Variants in ROBO1 observed in about 807,000 individuals in gnomAD.
The protein encoded by ROBO1 is roundabout guidance receptor 1, also known as roundabout homolog 1.
A neutral mutation model predicts 195.9 loss-of-function variants in ROBO1; 149 were observed. The ratio of observed to expected loss-of-function variants is 0.76; its 90% CI spans 0.67 to 0.87. The LOEUF (loss-of-function observed/expected upper bound fraction) is 0.87, where lower values mean the gene tolerates loss of function less well. Ranked by LOEUF, ROBO1 falls within the 40% of genes least tolerant of loss-of-function variation. The probability of loss-of-function intolerance (pLI) is 0.00; values close to 1 mark genes in which losing one functional copy is unlikely to be tolerated. For synonymous variants in ROBO1, 816 were observed against 733.2 expected (o/e 1.11, Z -1.82); for missense variants, 1,933 against 2,068.3 (o/e 0.93, Z 1.27).
chr3:79,604,594 C>A (rs952334092), intron 1 of ROBO1, among the ~76,000 whole-genome samples: 4 of 151,882 alleles, frequency 2.6e-5, no homozygotes, highest in African/African-American at 7.2e-5. Context: ...ATACATAATC[C>A]TTTACTAAGA....
chr3:79,358,053 T>C (rs1240653348), intron 2 of ROBO1, among the ~76,000 whole-genome samples: 2 of 152,094 alleles, frequency 1.3e-5, no homozygotes, highest in African/African-American at 2.4e-5. Flanking sequence ...GTTAAGAGCA[T>C]GATCTCTGGA....
chr3:78,931,569 T>C (rs1236861869), intron 4 of ROBO1, among the ~76,000 whole-genome samples: 1 of 152,140 alleles, frequency 6.6e-6, no homozygotes, highest in African/African-American at 2.4e-5. Flanking sequence ...TCAATGTCCA[T>C]ATTGTGTAAC....
intron 2 of ROBO1, among the ~76,000 whole-genome samples, chr3:79,276,401 A>C (rs2031037988): frequency 6.6e-6 from 1 of 152,100 alleles, no homozygotes; most frequent in Admixed American, 6.6e-5. Context: ...GTGCTAGGAA[A>C]ACTGAATATC....
intron 4 of ROBO1, among the ~76,000 whole-genome samples, chr3:78,769,769 T>G (rs113590612): frequency 7.9e-5 from 12 of 152,246 alleles, no homozygotes; most frequent in Middle Eastern, 3.4e-3. Context: ...AGTGGTGGTT[T>G]GGTAATGGCG....
intron 3 of ROBO1, among the ~76,000 whole-genome samples, chr3:78,942,648 C>G (rs1483587610): frequency 6.6e-6 from 1 of 152,128 alleles, no homozygotes; most frequent in Non-Finnish European, 1.5e-5. Flanking sequence ...GACAAGCTGT[C>G]AATTGTATAT....
intron 3 of ROBO1, among the ~76,000 whole-genome samples, chr3:78,972,514 G>C (rs1415665624): frequency 3.9e-5 from 6 of 152,156 alleles, no homozygotes; most frequent in African/African-American, 1.4e-4. Flanking sequence ...GTACTAACTA[G>C]AGTTGTATTA....
chr3:79,445,822 C>T (rs1213861947), intron 2 of ROBO1, among the ~76,000 whole-genome samples: 2 of 152,120 alleles, frequency 1.3e-5, no homozygotes, highest in Admixed American at 1.3e-4. Context: ...CCACTACGCC[C>T]GGCTAATTTT....
At chr3:78,773,582 G>A (rs1397455207) in intron 4 of ROBO1, among the ~76,000 whole-genome samples, 2 of 151,940 alleles carry the variant, frequency 1.3e-5, no homozygotes, top group Non-Finnish European at 2.9e-5. Flanking sequence ...AGAATAAAAT[G>A]ATTAAAAAGT....
At chr3:79,166,560 C>CTTTTTTTTTTTTTTTT in intron 2 of ROBO1, among the ~76,000 whole-genome samples, 168 of 135,088 alleles carry the variant, frequency 1.2e-3, no homozygotes, top group Non-Finnish European at 1.6e-3. Flanking sequence ...TTCTATTTTT[C>CTTTTTTTTTTTTTTTT]TTTTTTTTTT....
At chr3:79,066,904 A>C (rs1284314212) in intron 3 of ROBO1, among the ~76,000 whole-genome samples, 4 of 152,000 alleles carry the variant, frequency 2.6e-5, no homozygotes, top group Non-Finnish European at 5.9e-5. Flanking sequence ...GGATGAATGA[A>C]GGTAGTGAGT....
chr3:79,040,323 G>A (rs1007878584), intron 3 of ROBO1, among the ~76,000 whole-genome samples: 21 of 152,016 alleles, frequency 1.4e-4, no homozygotes, highest in Admixed American at 2.0e-4. Flanking sequence ...ATGTTAAATC[G>A]TCATTGACTT....
At chr3:79,553,825 G>T (rs1460671855) in intron 2 of ROBO1, among the ~76,000 whole-genome samples, 1 of 152,066 alleles carries the variant, frequency 6.6e-6, no homozygotes, top group East Asian at 1.9e-4. Flanking sequence ...TCTGGATCCA[G>T]CACAGATCCT....
At chr3:78,607,342 A>G (rs1337506010) in intron 28 of ROBO1, 3 of 313,758 alleles carry the variant, frequency 9.6e-6, no homozygotes, top group African/African-American at 4.3e-5. Flanking sequence ...CCTCCCGAGT[A>G]GCTAGGACTA....
intron 4 of ROBO1, among the ~76,000 whole-genome samples, chr3:78,912,673 A>G (rs2038318799): frequency 6.6e-6 from 1 of 152,150 alleles, no homozygotes; most frequent in Admixed American, 6.6e-5. Context: ...CTAAATAGTG[A>G]AGCATCCATG....
intron 2 of ROBO1, among the ~76,000 whole-genome samples, chr3:79,135,749 C>T (rs1181573447): frequency 2.6e-5 from 4 of 151,930 alleles, no homozygotes; most frequent in South Asian, 4.2e-4. Context: ...GCGATTCTCC[C>T]GCCTCAGCCT....
chr3:79,051,086 CAAA>C (rs1236135280), intron 3 of ROBO1, among the ~76,000 whole-genome samples: 1 of 151,816 alleles, frequency 6.6e-6, no homozygotes, highest in South Asian at 2.1e-4. Flanking sequence ...GATAGAGACA[CAAA>C]AAACCCTTCA....
chr3:78,918,339 T>C (rs1438266752), intron 4 of ROBO1, among the ~76,000 whole-genome samples: 2 of 152,102 alleles, frequency 1.3e-5, no homozygotes, highest in African/African-American at 4.8e-5. Context: ...CTATGGTCTA[T>C]AAAACACCCA....
intron 4 of ROBO1, among the ~76,000 whole-genome samples, chr3:78,761,852 A>C (rs2083113399): frequency 6.6e-6 from 1 of 152,158 alleles, no homozygotes; most frequent in African/African-American, 2.4e-5. Flanking sequence ...ATATTCATTA[A>C]GTTTTGACTT....
intron 4 of ROBO1, among the ~76,000 whole-genome samples, chr3:78,908,437 G>A (rs2038055936): frequency 6.6e-6 from 1 of 151,720 alleles, no homozygotes; most frequent in Admixed American, 6.6e-5. Flanking sequence ...TAAAACATAG[G>A]GTTCATAAAT....
Sources: gnomAD v4.1 joint callset for allele counts (sites outside exome capture counted in the v4.1 genomes callset) on GRCh38, gnomAD v4.1.1 for gene constraint, MANE v1.5 for transcripts, NCBI Gene and HGNC (gene_info 2026-07-23, HGNC 2026-07-21) for gene names.